Variants in UNC5D observed in about 807,000 individuals in gnomAD.
The protein encoded by UNC5D is unc-5 netrin receptor D, also known as netrin receptor UNC5D.
In UNC5D, 39 loss-of-function variants were observed where a neutral mutation model predicts 105.4. The ratio of observed to expected loss-of-function variants is 0.37; its 90% CI spans 0.29 to 0.48. The LOEUF is 0.48. Among genes scored for constraint, UNC5D ranks in the 20% least tolerant of loss-of-function variants. UNC5D has a pLI of 0.98. For missense variants in UNC5D, 991 were observed against 1,202.4 expected (o/e 0.82, Z 2.60); for synonymous variants, 452 against 450.4 (o/e 1.00, Z -0.04).
In UNC5D at chr8:35,250,506, C is replaced by CT. The variant is rs1463206961; in HGVS notation, c.103+14625dup. Reference sequence around the variant, plus strand: ...AGTACCCAATAGTTAGTTTGTTTTTCTTTTTTGAGATGGAGTCTCGCTCTG... The same window carrying CT: ...AGTACCCAATAGTTAGTTTGTTTTTCTTTTTTTGAGATGGAGTCTCGCTCTG... On this transcript the variant is annotated intron_variant, in intron 1 of 16. Coordinates refer to ENST00000404895, the MANE Select transcript of UNC5D (RefSeq NM_080872.4). Among the ~76,000 whole-genome samples, 3 of 152,004 alleles carry CT rather than the reference C, an allele frequency of 2.0e-5. No individual in the cohort carries two copies. The East Asian group carries it at 5.8e-4, about 29-fold the overall frequency.
intron 1 of UNC5D, among the ~76,000 whole-genome samples, chr8:35,343,780 A>G (rs978894038): frequency 6.6e-6 from 1 of 152,162 alleles, no homozygotes; most frequent in African/African-American, 2.4e-5. Context: ...TTTGGTTTTC[A>G]GAGCCTCAGA....
At chr8:35,238,052 T>C (rs1357665396) in intron 1 of UNC5D, among the ~76,000 whole-genome samples, 2 of 152,250 alleles carry the variant, frequency 1.3e-5, no homozygotes, top group African/African-American at 2.4e-5. Context: ...TTCTTACTTA[T>C]CCAATTAATA....
chr8:35,594,066 A>C (rs916206900), intron 3 of UNC5D, among the ~76,000 whole-genome samples: 1 of 152,150 alleles, frequency 6.6e-6, no homozygotes, highest in African/African-American at 2.4e-5. Flanking sequence ...GTGGCAATTT[A>C]CGGTTCCCGG....
chr8:35,669,058 T>A (rs1313961915), intron 4 of UNC5D, among the ~76,000 whole-genome samples: 1 of 152,140 alleles, frequency 6.6e-6, no homozygotes, highest in Non-Finnish European at 1.5e-5. Flanking sequence ...TTTACACTTT[T>A]TGCATGATTT....
chr8:35,793,371 C>T lies in UNC5D; in HGVS notation c.*2808C>T, dbSNP rs1297040433. The T allele has an allele frequency of 4.6e-6, 1 of 219,160 alleles. No individual in the cohort carries two copies. The highest frequency in any genetic ancestry group is 9.4e-6 in the Non-Finnish European group (1 of 106,372). The allele number at this position is 219,160 out of a possible 1,614,324, so 13.6% of individuals were successfully genotyped here. A position where few individuals can be genotyped will look rare whatever the true frequency, so the allele number is the denominator to read the frequency against. On this transcript the variant is annotated 3_prime_UTR_variant, in exon 17 of 17. Coordinates refer to ENST00000404895, the MANE Select transcript of UNC5D (RefSeq NM_080872.4). ...GTCCTATTGTAATATGTGCCTGTCA[C>T]AACACAAATACCCCTCTTGAAAGAG...
chr8:35,241,951 A>T (rs1288646018), intron 1 of UNC5D, among the ~76,000 whole-genome samples: 1 of 152,186 alleles, frequency 6.6e-6, no homozygotes, highest in Non-Finnish European at 1.5e-5. Flanking sequence ...GTATATTTGT[A>T]CCCATTTATC....
At chr8:35,425,843 T>C (rs542704334) in intron 1 of UNC5D, among the ~76,000 whole-genome samples, 1 of 152,314 alleles carries the variant, frequency 6.6e-6, no homozygotes, top group Middle Eastern at 3.4e-3. Context: ...ATTTATAGGA[T>C]ACATAGTTAT....
intron 1 of UNC5D, among the ~76,000 whole-genome samples, chr8:35,294,623 G>A (rs1056088779): frequency 9.9e-5 from 15 of 151,234 alleles, no homozygotes; most frequent in Non-Finnish European, 1.8e-4. Context: ...ATAAAAAGGT[G>A]TTTCACAAAA....
chr8:35,456,928 TAGC>T (rs1474284570), intron 1 of UNC5D, among the ~76,000 whole-genome samples: 1 of 152,200 alleles, frequency 6.6e-6, no homozygotes, highest in Non-Finnish European at 1.5e-5. Context: ...CCTTTTAACT[TAGC>T]AGCTGTAATC....
chr8:35,289,656 G>T (rs990261782), intron 1 of UNC5D, among the ~76,000 whole-genome samples: 3 of 152,150 alleles, frequency 2.0e-5, no homozygotes, highest in African/African-American at 7.2e-5. Context: ...GTGATAACAG[G>T]TTAACATCCA....
intron 1 of UNC5D, among the ~76,000 whole-genome samples, chr8:35,491,583 A>T (rs2130112457): frequency 6.6e-6 from 1 of 152,108 alleles, no homozygotes; most frequent in East Asian, 1.9e-4. Flanking sequence ...TAACATACTC[A>T]AAAATATACT....
At chr8:35,549,686 T>G (rs1422878995) in intron 2 of UNC5D, among the ~76,000 whole-genome samples, 176 bp downstream of exon 2, 1 of 152,180 alleles carries the variant, frequency 6.6e-6, no homozygotes, top group Non-Finnish European at 1.5e-5. Flanking sequence ...TACAGCTGCC[T>G]TGGTAGTCCC....
intron 1 of UNC5D, among the ~76,000 whole-genome samples, chr8:35,455,953 G>C (rs1808460818): frequency 6.6e-6 from 1 of 152,062 alleles, no homozygotes; most frequent in South Asian, 2.1e-4. Flanking sequence ...ATTTGGGTAG[G>C]GACACAGCCA....
At chr8:35,356,076 G>A (rs530046927) in intron 1 of UNC5D, among the ~76,000 whole-genome samples, 11 of 152,146 alleles carry the variant, frequency 7.2e-5, no homozygotes, top group Non-Finnish European at 1.0e-4. Flanking sequence ...GTGCTACCAC[G>A]CCCGGTTATC....
At chr8:35,717,498 G>GA (rs1359971352) in intron 8 of UNC5D, among the ~76,000 whole-genome samples, 1 of 152,102 alleles carries the variant, frequency 6.6e-6, no homozygotes, top group Non-Finnish European at 1.5e-5. Flanking sequence ...CCCATTCCCT[G>GA]AACTGTGAAG....
At chr8:35,381,754 T>C (rs1803056526) in intron 1 of UNC5D, among the ~76,000 whole-genome samples, 1 of 152,202 alleles carries the variant, frequency 6.6e-6, no homozygotes, top group Non-Finnish European at 1.5e-5. Flanking sequence ...GAAGTTTTGC[T>C]CCTTTGATTC....
intron 2 of UNC5D, among the ~76,000 whole-genome samples, chr8:35,554,830 G>A (rs1050037491): frequency 7.9e-5 from 12 of 152,094 alleles, no homozygotes; most frequent in African/African-American, 2.9e-4. Context: ...CTCAACTCTA[G>A]TAAACTAATA....
intron 4 of UNC5D, among the ~76,000 whole-genome samples, chr8:35,597,312 A>G (rs764001990): frequency 6.6e-6 from 1 of 152,164 alleles, no homozygotes; most frequent in East Asian, 1.9e-4. Flanking sequence ...AATGTCAAAC[A>G]AAAAAGATAT....
intron 11 of UNC5D, among the ~76,000 whole-genome samples, chr8:35,740,073 T>C (rs750244438): frequency 6.6e-5 from 10 of 152,062 alleles, no homozygotes; most frequent in Non-Finnish European, 7.4e-5. Context: ...GATACCTTGG[T>C]TGGATTGCGT....
Sources: allele counts gnomAD v4.1 joint callset (sites outside exome capture counted in the v4.1 genomes callset), GRCh38; gene constraint gnomAD v4.1.1; transcripts MANE v1.5; gene names NCBI Gene and HGNC (gene_info 2026-07-23, HGNC 2026-07-21).